Variants in ZBTB20 observed in about 807,000 individuals in gnomAD.
ZBTB20 encodes the protein zinc finger and BTB domain containing 20.
ZBTB20 carries 9 observed loss-of-function variants against 56.9 expected under a neutral mutation model. That is an observed-to-expected ratio of 0.16 (90% CI 0.10 to 0.28). The LOEUF is 0.28. ZBTB20 is among the 10% of genes least tolerant of loss of function. ZBTB20 has a pLI of 1.00. For missense variants in ZBTB20, 655 were observed against 1,003.0 expected (o/e 0.65, Z 4.69); for synonymous variants, 417 against 420.7 (o/e 0.99, Z 0.11).
At chr3:114,400,527 C>A (rs2086726062) in intron 7 of ZBTB20, among the ~76,000 whole-genome samples, 1 of 152,166 alleles carries the variant, frequency 6.6e-6, no homozygotes, top group African/African-American at 2.4e-5. Context: ...TCAAATCCCA[C>A]TCCATCCTCT....
chr3:114,706,029 GGGAGC>G (rs1234147779), intron 5 of ZBTB20, among the ~76,000 whole-genome samples: 1 of 152,130 alleles, frequency 6.6e-6, no homozygotes, highest in Non-Finnish European at 1.5e-5. Context: ...TATAGGAAAT[GGGAGC>G]TACCATACTC....
chr3:114,968,016 A>G (rs1387367537), intron 3 of ZBTB20, among the ~76,000 whole-genome samples: 5 of 152,094 alleles, frequency 3.3e-5, no homozygotes, highest in Admixed American at 3.3e-4. Context: ...AGAAGATCTT[A>G]GTGTTAACTC....
chr3:115,053,270 T>C, intron 2 of ZBTB20, among the ~76,000 whole-genome samples: 1 of 152,248 alleles, frequency 6.6e-6, no homozygotes, highest in African/African-American at 2.4e-5. Flanking sequence ...GCTTTTCTTA[T>C]CCTTCATCGT....
intron 1 of ZBTB20, among the ~76,000 whole-genome samples, chr3:115,131,545 C>G (rs1312424340): frequency 6.6e-6 from 1 of 152,098 alleles, no homozygotes; most frequent in Admixed American, 6.5e-5. Context: ...AGTTTTACCA[C>G]TACAATAAAG....
intron 11 of ZBTB20, among the ~76,000 whole-genome samples, chr3:114,347,904 T>C (rs2080329137): frequency 6.6e-6 from 1 of 152,214 alleles, no homozygotes; most frequent in Admixed American, 6.5e-5. Flanking sequence ...AAAACTGAAG[T>C]CCACATTTTA....
At chr3:115,115,072 C>T (rs2083982474) in intron 1 of ZBTB20, among the ~76,000 whole-genome samples, 1 of 152,058 alleles carries the variant, frequency 6.6e-6, no homozygotes, top group African/African-American at 2.4e-5. Context: ...TTTTAAGATT[C>T]TTTCACATTT....
At chr3:114,655,223 ATTC>A (rs2060332395) in intron 6 of ZBTB20, among the ~76,000 whole-genome samples, 1 of 95,926 alleles carries the variant, frequency 1.0e-5, no homozygotes, top group Non-Finnish European at 2.2e-5. Flanking sequence ...TGTCATTGTT[ATTC>A]TTCTGTTTTC....
chr3:114,540,151 A>G (rs2048956151), intron 6 of ZBTB20, among the ~76,000 whole-genome samples: 2 of 152,052 alleles, frequency 1.3e-5, no homozygotes, highest in Non-Finnish European at 2.9e-5. Flanking sequence ...CTTATAAGTG[A>G]GAACATGCGG....
At chr3:114,831,282 A>G (rs1236679518) in intron 4 of ZBTB20, among the ~76,000 whole-genome samples, 1 of 151,798 alleles carries the variant, frequency 6.6e-6, no homozygotes, top group Non-Finnish European at 1.5e-5. Context: ...AGTATAGTGG[A>G]TAAGGGCGCA....
At chr3:114,453,714 A>T (rs1223825301) in intron 7 of ZBTB20, 1 of 152,112 alleles carries the variant, frequency 6.6e-6, no homozygotes, top group African/African-American at 2.4e-5. Flanking sequence ...AGGAGAAAAG[A>T]GCAACATATG....
chr3:114,601,423 AT>A (rs1218010974), intron 6 of ZBTB20, among the ~76,000 whole-genome samples: 1 of 152,056 alleles, frequency 6.6e-6, no homozygotes, highest in African/African-American at 2.4e-5. Flanking sequence ...ACTCAAAACT[AT>A]CTCTATTTCA....
chr3:115,027,676 C>A (rs969364676), intron 2 of ZBTB20: 3 of 150,656 alleles, frequency 2.0e-5, no homozygotes, highest in Non-Finnish European at 4.5e-5. Context: ...CATAAATATA[C>A]AAAATAAAGA....
At chr3:114,995,992 G>A (rs1403992412) in intron 2 of ZBTB20, among the ~76,000 whole-genome samples, 4 of 151,768 alleles carry the variant, frequency 2.6e-5, no homozygotes, top group Non-Finnish European at 5.9e-5. Context: ...GGGAATGTCA[G>A]CAAATGTCAG....
intron 6 of ZBTB20, among the ~76,000 whole-genome samples, chr3:114,552,972 GGGTCACTCCAAGA>G (rs2050761326): frequency 6.6e-6 from 1 of 152,132 alleles, no homozygotes; most frequent in Non-Finnish European, 1.5e-5. Flanking sequence ...TAGTGATGCT[GGGTCACTCCAAGA>G]AGTGTCCTCA....
At chr3:114,665,818 A>C (rs529053140) in intron 6 of ZBTB20, among the ~76,000 whole-genome samples, 1 of 152,212 alleles carries the variant, frequency 6.6e-6, no homozygotes, top group African/African-American at 2.4e-5. Context: ...CTTAACAGAC[A>C]TCACACTGAC....
chr3:115,056,899 G>A (rs1037205771), intron 2 of ZBTB20, among the ~76,000 whole-genome samples: 5 of 152,112 alleles, frequency 3.3e-5, no homozygotes, highest in African/African-American at 7.2e-5. Context: ...AATATGGATT[G>A]AGATGTAGCT....
At chr3:114,360,884 G>C (rs1021627680) in intron 10 of ZBTB20, among the ~76,000 whole-genome samples, 1 of 151,862 alleles carries the variant, frequency 6.6e-6, no homozygotes, top group Non-Finnish European at 1.5e-5. Flanking sequence ...AAAAGAATAG[G>C]ACCTAAGTTC....
intron 6 of ZBTB20, among the ~76,000 whole-genome samples, chr3:114,644,795 T>C (rs2059752356): frequency 6.6e-6 from 1 of 152,126 alleles, no homozygotes; most frequent in African/African-American, 2.4e-5. Context: ...AAATAAAAGT[T>C]GAAATTTTAA....
At chr3:114,741,622 C>T (rs2066586818) in intron 5 of ZBTB20, among the ~76,000 whole-genome samples, 1 of 151,974 alleles carries the variant, frequency 6.6e-6, no homozygotes, top group African/African-American at 2.4e-5. Flanking sequence ...CGCCTGTAAT[C>T]CCAGCATTTC....
Sources: allele counts gnomAD v4.1 joint callset (sites outside exome capture counted in the v4.1 genomes callset), GRCh38; gene constraint gnomAD v4.1.1; transcripts MANE v1.5; gene names NCBI Gene and HGNC (gene_info 2026-07-23, HGNC 2026-07-21).